Variants in SIK3 observed in about 807,000 individuals in gnomAD.
SIK3 encodes serine/threonine-protein kinase SIK3.
SIK3 carries 28 observed loss-of-function variants against 144.2 expected under a neutral mutation model. The ratio of observed to expected loss-of-function variants is 0.19; its 90% confidence interval spans 0.14 to 0.27. The LOEUF (loss-of-function observed/expected upper bound fraction) is 0.27, where lower values mean the gene tolerates loss of function less well. Among genes scored for constraint, SIK3 ranks in the 10% least tolerant of loss-of-function variants. The probability of loss-of-function intolerance (pLI) is 1.00; values close to 1 mark genes in which losing one functional copy is unlikely to be tolerated. For synonymous variants in SIK3, 686 were observed against 676.3 expected, an observed-to-expected ratio of 1.01 and a Z score of -0.22; for missense variants, 1,319 against 1,776.0, an observed-to-expected ratio of 0.74 and a Z score of 4.62.
chr11:116,993,729 C>G (rs1157541395), intron 1 of SIK3, among the ~76,000 whole-genome samples: 1 of 152,150 alleles, frequency 6.6e-6, no homozygotes, highest in Admixed American at 6.5e-5. Flanking sequence ...GGAAACCAAA[C>G]AGTAAAGAAT....
intron 4 of SIK3, among the ~76,000 whole-genome samples, chr11:116,900,531 A>C (rs1039186512): frequency 5.9e-5 from 9 of 152,164 alleles, no homozygotes; most frequent in Non-Finnish European, 8.8e-5. Flanking sequence ...TCATCTCAGC[A>C]TTGTCATTTA....
chr11:117,023,614 AAAAAAAAAT>A lies in SIK3; in HGVS notation c.274-66559_274-66551del, dbSNP rs1565567955. Among the ~76,000 whole-genome samples, 13 of 106,804 alleles carry A rather than the reference AAAAAAAAAT, an allele frequency of 1.2e-4. 1 individual carries two copies. The highest frequency in any genetic ancestry group is 3.4e-4 in the African/African-American group (7 of 20,308). The allele number at this position is 106,804 out of a possible 152,430, so 70.1% of individuals were successfully genotyped here. A position where few individuals can be genotyped will look rare whatever the true frequency, so the allele number is the denominator to read the frequency against. On this transcript the variant is annotated intron_variant, in intron 1 of 24. Coordinates refer to ENST00000445177, the MANE Select transcript of SIK3 (RefSeq NM_001366686.3). ...CAAACAAACAAACAAACAAACAAAA[AAAAAAAAAT>A]ATATATATATATATATATATATTGC...
At chr11:117,083,869 G>C (rs1279243069) in intron 1 of SIK3, among the ~76,000 whole-genome samples, 1 of 152,180 alleles carries the variant, frequency 6.6e-6, no homozygotes, top group Admixed American at 6.5e-5. Context: ...CACTAGCAGT[G>C]AACAGATATA....
intron 1 of SIK3, among the ~76,000 whole-genome samples, chr11:117,023,618 AAAAATATAT>A (rs1174984448): frequency 1.2e-4 from 14 of 115,858 alleles, no homozygotes; most frequent in African/African-American, 6.3e-4. Context: ...ACAAAAAAAA[AAAAATATAT>A]ATATATATAT....
chr11:116,967,318 C>G (rs1014903405), intron 1 of SIK3, among the ~76,000 whole-genome samples: 1 of 152,184 alleles, frequency 6.6e-6, no homozygotes, highest in Non-Finnish European at 1.5e-5. Context: ...ACTTAAGGCT[C>G]CAGCTGAAAA....
intron 1 of SIK3, among the ~76,000 whole-genome samples, chr11:117,023,621 AATATAT>A (rs1555131639): frequency 5.2e-5 from 5 of 95,420 alleles, no homozygotes; most frequent in East Asian, 3.1e-4. Flanking sequence ...AAAAAAAAAA[AATATAT>A]ATATATATAT....
intron 1 of SIK3, among the ~76,000 whole-genome samples, chr11:117,086,503 G>A (rs61903419): frequency 0.31 from 47,648 of 151,992 alleles, 9,699 homozygotes; most frequent in African/African-American, 0.59. Flanking sequence ...ACCCTGGCCA[G>A]CATGGTGAAA....
At chr11:116,927,109 ACTTTCACAATAGTT>A in intron 4 of SIK3, 96 bp downstream of exon 4, 1 of 718,092 alleles carries the variant, frequency 1.4e-6, no homozygotes, top group Non-Finnish European at 2.1e-6. Context: ...AATTGTCCTT[ACTTTCACAATAGTT>A]CTTTCTGAAG....
chr11:116,918,898 T>C (rs2036891457), intron 4 of SIK3, among the ~76,000 whole-genome samples: 1 of 152,206 alleles, frequency 6.6e-6, no homozygotes, highest in Non-Finnish European at 1.5e-5. Flanking sequence ...AGGGTCAACG[T>C]GCAGGAAGGT....
intron 14 of SIK3, chr11:116,869,517 C>G (rs550141870): frequency 6.6e-6 from 1 of 152,356 alleles, no homozygotes; most frequent in Non-Finnish European, 1.5e-5. Context: ...ACCCAAAGTT[C>G]CCCAAAAGCC....
At chr11:116,967,811 G>T (rs1255580417) in intron 1 of SIK3, among the ~76,000 whole-genome samples, 5 of 152,188 alleles carry the variant, frequency 3.3e-5, no homozygotes, top group African/African-American at 1.2e-4. Flanking sequence ...GCAGCCTGGA[G>T]TAAGAAGCCA....
chr11:116,894,686 G>A (rs1945299526), intron 6 of SIK3, among the ~76,000 whole-genome samples: 1 of 152,306 alleles, frequency 6.6e-6, no homozygotes, highest in Middle Eastern at 3.4e-3. Context: ...ATAATCTTGT[G>A]TATCTCATAG....
At chr11:116,910,770 GA>G (rs1181149282) in intron 4 of SIK3, among the ~76,000 whole-genome samples, 2 of 150,942 alleles carry the variant, frequency 1.3e-5, no homozygotes, top group African/African-American at 4.9e-5. Context: ...AAATATAAAG[GA>G]AAAAAAATCC....
In SIK3 at chr11:116,876,932, A is replaced by G. The variant is rs745465103; in HGVS notation, c.976T>C (p.Phe326Leu). 7.4e-6 allele frequency: 12 copies of G among 1,614,052 alleles called. No homozygotes were observed. The highest frequency in any genetic ancestry group is 1.3e-5 in the African/African-American group (1 of 75,032). Residue 326 changes from phenylalanine to leucine, a missense_variant, in exon 7 of 25, where the codon TTT (phenylalanine) becomes CTT (leucine). Physicochemically the swap from Phe to Leu is conservative, Grantham distance 22 (BLOSUM62 0). Around this residue, in one of 8 missense-constraint regions of SIK3, gnomAD observed 34 missense variants for 56.1 expected, o/e 0.61. Coordinates refer to ENST00000445177, the MANE Select transcript of SIK3 (RefSeq NM_001366686.3). Reference sequence around the variant, plus strand: ...AGCGGTTCCCAGCTCACCCTGTCAAAGTTGGGATCGGCGTCCCCTAGCTTC... The same window carrying G: ...AGCGGTTCCCAGCTCACCCTGTCAAGGTTGGGATCGGCGTCCCCTAGCTTC... The part of the protein sequence containing the change: ...WMKLGDADPN[F>L]DRLIAECQQL...
At chr11:116,947,184 A>AATATATAATATATAAATTATTATTTAT (rs1491357440) in intron 3 of SIK3, among the ~76,000 whole-genome samples, 1 of 121,590 alleles carries the variant, frequency 8.2e-6, no homozygotes, top group Non-Finnish European at 1.6e-5. Flanking sequence ...ATTTATATAT[A>AATATATAATATATAAATTATTATTTAT]ATATATTATA....
chr11:116,962,953 G>A (rs493101), intron 1 of SIK3, among the ~76,000 whole-genome samples: 8,269 of 151,182 alleles, frequency 0.055, 475 homozygotes, highest in African/African-American at 0.14. Flanking sequence ...TCTCTTGGAC[G>A]GCACTGATCC....
At chr11:116,893,607 G>GC (rs1945246025) in intron 6 of SIK3, among the ~76,000 whole-genome samples, 1 of 152,042 alleles carries the variant, frequency 6.6e-6, no homozygotes, top group Non-Finnish European at 1.5e-5. Context: ...GGGAGGTCCA[G>GC]CTGCAGTGAG....
At position 116,858,368 on chromosome 11, in the gene SIK3, T is replaced by C. The variant is rs1943099423; in HGVS notation, c.3097A>G (p.Ile1033Val). 1 of 1,613,768 alleles carries C rather than the reference T, an allele frequency of 6.2e-7. No individual in the cohort carries two copies. The highest frequency in any genetic ancestry group is 1.1e-5 in the South Asian group (1 of 91,012). ...PRHSLTGHSD[I>V]RLPPTEFAQL... ...GCAAACTCTGTTGGGGGCAGCCGGA[T>C]GTCCGAGTGGCCGGTGAGCGAATGC... Residue 1033 changes from isoleucine to valine, a missense_variant, in exon 21 of 25, where the codon ATC becomes GTC. Physicochemically the swap from Ile to Val is conservative, Grantham distance 29. Transcript: ENST00000445177. The surrounding 1 kb of genome is among the most constrained non-coding windows in gnomAD (Gnocchi z 5.4).
rs1365104811 is a variant in SIK3 at position 117,064,929 on chromosome 11, C to G, written c.273+33214G>C. Among the ~76,000 whole-genome samples, 7 of 152,080 alleles carry G rather than the reference C, an allele frequency of 4.6e-5. No homozygotes were observed. The East Asian group carries it at 1.3e-3, about 29-fold the overall frequency. On this transcript the variant is annotated intron_variant, in intron 1 of 24. Transcript: ENST00000445177. ...CTTTGGGAAGCCGAGGTGGGCAGAT[C>G]ACGAGGTCAGGAGTTCAAAACCAGC...
Sources: allele counts gnomAD v4.1 joint callset (sites outside exome capture counted in the v4.1 genomes callset), GRCh38; gene constraint gnomAD v4.1.1; regional missense constraint gnomAD v4.1.1; non-coding constraint Gnocchi (gnomAD v3.1); transcripts MANE v1.5; gene names NCBI Gene and HGNC (gene_info 2026-07-23, HGNC 2026-07-21).